Variants in STAB2 observed in about 807,000 individuals in gnomAD.
STAB2 encodes the protein stabilin-2.
STAB2 carries 288 observed loss-of-function variants against 338.1 expected under a neutral mutation model. That is an observed-to-expected ratio of 0.85 (90% CI 0.77 to 0.94). STAB2 has a LOEUF of 0.94. STAB2 is among the 40% of genes least tolerant of loss of function. The probability of loss-of-function intolerance (pLI) is 0.00; values close to 1 mark genes in which losing one functional copy is unlikely to be tolerated. For missense variants in STAB2, 3,141 were observed against 3,210.1 expected, an observed-to-expected ratio of 0.98 and a Z score of 0.52; for synonymous variants, 1,202 against 1,193.3, an observed-to-expected ratio of 1.01 and a Z score of -0.15.
chr12:103,717,256 G>C (rs1880391872), intron 43 of STAB2, among the ~76,000 whole-genome samples: 1 of 152,176 alleles, frequency 6.6e-6, no homozygotes, highest in African/African-American at 2.4e-5. Flanking sequence ...CCCTCAACTT[G>C]AAGCTTCCAC....
intron 1 of STAB2, among the ~76,000 whole-genome samples, chr12:103,589,175 T>A (rs760428623): frequency 6.6e-6 from 1 of 152,200 alleles, no homozygotes; most frequent in African/African-American, 2.4e-5. Flanking sequence ...TCTGAAGATG[T>A]AAAGTTTCTT....
chr12:103,624,893 G>A (rs899134558), intron 5 of STAB2, among the ~76,000 whole-genome samples: 6 of 143,782 alleles, frequency 4.2e-5, no homozygotes, highest in African/African-American at 5.2e-5. Context: ...AGCCGAGATC[G>A]TGCCACCACT....
chr12:103,593,501 T>G (rs1956830084), intron 2 of STAB2, among the ~76,000 whole-genome samples: 1 of 152,256 alleles, frequency 6.6e-6, no homozygotes, highest in Non-Finnish European at 1.5e-5. Flanking sequence ...TATTTGGTCC[T>G]GCCCTTGGAC....
Position 103,648,574 on chromosome 12 carries a change from C to T in STAB2, c.1041-116C>T, listed in dbSNP as rs914658162. 8.0e-6 allele frequency: 11 copies of T among 1,375,754 alleles called. No individual in the cohort carries two copies. In the African/African-American group the frequency reaches 1.5e-4, roughly 18 times the overall value. 85.2% of individuals were successfully genotyped at this position (1,375,754 alleles called of 1,614,324 possible). ...TACCACACTAGGAATGCTCTCTTGT[C>T]CCTATTCAACCCTGGGCATCCTTTG... On this transcript the variant is annotated intron_variant, in intron 9 of 68. Coordinates refer to ENST00000388887, the MANE Select transcript of STAB2 (RefSeq NM_017564.10).
intron 61 of STAB2, among the ~76,000 whole-genome samples, chr12:103,753,760 T>G (rs1001135364): frequency 1.4e-4 from 22 of 152,118 alleles, no homozygotes; most frequent in African/African-American, 4.8e-4. Flanking sequence ...AAGGCAGAAG[T>G]GGAGACTGGA....
At chr12:103,700,788 C>T (rs1043126566) in intron 34 of STAB2, among the ~76,000 whole-genome samples, 1 of 152,084 alleles carries the variant, frequency 6.6e-6, no homozygotes, top group Non-Finnish European at 1.5e-5. Context: ...ACAATAGAGG[C>T]TTTTATTGAT....
intron 35 of STAB2, among the ~76,000 whole-genome samples, chr12:103,703,781 A>C (rs1879107117): frequency 6.6e-6 from 1 of 152,236 alleles, no homozygotes; most frequent in African/African-American, 2.4e-5. Flanking sequence ...AGGACCTTTC[A>C]ACAATAATTA....
At position 103,762,384 on chromosome 12, in the gene STAB2, C is replaced by A; in HGVS notation, c.7470C>A (p.Ile2490=). The A allele has an allele frequency of 2.5e-6, 4 of 1,614,238 alleles. No homozygotes were observed. The highest frequency in any genetic ancestry group is 1.3e-5 in the African/African-American group (1 of 75,070). ...ACTTTCGGATAAACCGGAGAACAAT[C>A]GGCTTCCAGCATTTTGAGGTAAGAG... is the stretch of plus-strand genomic sequence containing the variant. The part of the protein sequence containing the change: ...YSYFRINRRT[I]GFQHFESEED... Residue 2490 remains isoleucine, a synonymous_variant, in exon 67 of 69, where the codon ATC becomes ATA. Transcript: ENST00000388887.
chr12:103,704,654 C>A (rs1879183445), intron 36 of STAB2, 40 bp downstream of exon 36: 2 of 1,566,350 alleles, frequency 1.3e-6, no homozygotes, highest in Admixed American at 1.7e-5. Context: ...GTTTCCAGAT[C>A]CGAGGAGTCC....
At chr12:103,660,287 T>C (rs1874496882) in intron 15 of STAB2, 44 bp from the exon 16 acceptor site, 1 of 1,589,154 alleles carries the variant, frequency 6.3e-7, no homozygotes, top group Admixed American at 1.7e-5. Flanking sequence ...GTGGAAGTGT[T>C]GCATTTTCTT....
intron 24 of STAB2, 21 bp from the exon 25 acceptor site, chr12:103,677,432 C>T (rs1418493004): frequency 1.3e-6 from 2 of 1,594,070 alleles, no homozygotes; most frequent in East Asian, 4.5e-5. Context: ...AGAGGCTTTG[C>T]TTTTTCTTTT....
chr12:103,721,946 A>G (rs1191341943), intron 44 of STAB2, among the ~76,000 whole-genome samples: 1 of 152,240 alleles, frequency 6.6e-6, no homozygotes, highest in Non-Finnish European at 1.5e-5. Context: ...GGTTCTACTC[A>G]TGAAGATAAG....
chr12:103,708,657 C>G lies in STAB2; in HGVS notation c.4288+121C>G, dbSNP rs148988090. ...ACTTCTTCTGGCAATAAACATGATT[C>G]TTTCTTGCAGCAAAAAGTTTGTAAA... On this transcript the variant is annotated intron_variant, in intron 39 of 68. Coordinates refer to ENST00000388887, the MANE Select transcript of STAB2 (RefSeq NM_017564.10). 1,205 of 907,962 alleles carry G rather than the reference C, an allele frequency of 1.3e-3. 11 individuals are homozygous for G. In the African/African-American group the frequency reaches 0.018, roughly 14 times the overall value. 56.2% of individuals were successfully genotyped at this position (907,962 alleles called of 1,614,324 possible).
At position 103,613,328 on chromosome 12, in the gene STAB2, G is replaced by C. The variant is rs568120793; in HGVS notation, c.332-7140G>C. On this transcript the variant is annotated intron_variant, in intron 3 of 68. Transcript: ENST00000388887. ...GGCAGGCCTCCTTGAGCTGCAGTGG[G>C]CTCCACCCAGTTCGAGCTTCCCGGC... is the stretch of plus-strand genomic sequence containing the variant. Among the ~76,000 whole-genome samples, 436 of 152,320 alleles carry C rather than the reference G, an allele frequency of 2.9e-3. 2 individuals carry two copies. The highest frequency in any genetic ancestry group is 9.4e-3 in the African/African-American group (391 of 41,578).
chr12:103,701,375 G>A (rs936959105), intron 34 of STAB2, among the ~76,000 whole-genome samples: 27 of 152,258 alleles, frequency 1.8e-4, no homozygotes, highest in African/African-American at 6.0e-4. Flanking sequence ...ACCCAGTAAT[G>A]GGATGGCTGG....
intron 23 of STAB2, among the ~76,000 whole-genome samples, chr12:103,674,680 G>T (rs1273595317): frequency 1.3e-5 from 2 of 152,170 alleles, no homozygotes; most frequent in Non-Finnish European, 2.9e-5. Flanking sequence ...GAAAATGCCA[G>T]AGGAAATTTA....
At chr12:103,654,848 C>T (rs921303589) in intron 13 of STAB2, 150 bp downstream of exon 13, 4 of 943,922 alleles carry the variant, frequency 4.2e-6, no homozygotes, top group East Asian at 2.6e-5. Flanking sequence ...TTGTCTGTTT[C>T]CAATAGAAAC....
In STAB2 at chr12:103,754,828, C is replaced by T. The variant is rs199857188; in HGVS notation, c.6715-474C>T. Among the ~76,000 whole-genome samples, 1,445 of 152,030 alleles carry T rather than the reference C, an allele frequency of 9.5e-3. 43 individuals are homozygous for T. In the East Asian group the frequency reaches 0.097, roughly 10 times the overall value. On this transcript the variant is annotated intron_variant, in intron 61 of 68. Coordinates refer to ENST00000388887, the MANE Select transcript of STAB2 (RefSeq NM_017564.10). ...GCACATGGTGGTGCACACCTGTAAT[C>T]CTAGCTACCCAGGAGGTTGAGACAG... is the stretch of plus-strand genomic sequence containing the variant.
intron 67 of STAB2, among the ~76,000 whole-genome samples, chr12:103,762,707 G>A (rs958378972): frequency 2.0e-5 from 3 of 152,210 alleles, no homozygotes; most frequent in Non-Finnish European, 4.4e-5. Context: ...TAGGACCTAG[G>A]AGTCTTGTTT....
Sources: gnomAD v4.1 joint callset for allele counts (sites outside exome capture counted in the v4.1 genomes callset) on GRCh38, gnomAD v4.1.1 for gene constraint, MANE v1.5 for transcripts, NCBI Gene and HGNC (gene_info 2026-07-23, HGNC 2026-07-21) for gene names.